The following SNX29 variants were observed in gnomAD, a reference collection of about 807,000 sequenced individuals.
SNX29 encodes the protein sorting nexin 29.
In SNX29, 78 loss-of-function variants were observed where a neutral mutation model predicts 102.1. The observed-to-expected ratio is 0.76, with a 90% CI of 0.64 to 0.92. The LOEUF is 0.92. Among genes scored for constraint, SNX29 ranks in the 40% least tolerant of loss-of-function variants. The probability of loss-of-function intolerance (pLI) is 0.00; values close to 1 mark genes in which losing one functional copy is unlikely to be tolerated. For synonymous variants in SNX29, 580 were observed against 414.5 expected, an observed-to-expected ratio of 1.40 and a Z score of -4.85; for missense variants, 1,280 against 1,061.7, an observed-to-expected ratio of 1.21 and a Z score of -2.86.
chr16:12,446,205 A>G (rs1420972985), intron 18 of SNX29, among the ~76,000 whole-genome samples: 10 of 151,852 alleles, frequency 6.6e-5, no homozygotes, highest in Non-Finnish European at 1.5e-5. Flanking sequence ...AGAGTCGTGC[A>G]CCACCATGCC....
At chr16:12,008,091 C>T (rs919817615) in intron 3 of SNX29, among the ~76,000 whole-genome samples, 3 of 151,886 alleles carry the variant, frequency 2.0e-5, no homozygotes, top group Admixed American at 2.0e-4. Context: ...CTACAGACGC[C>T]CGCCACCATG....
At chr16:12,459,636 G>C (rs753230880) in intron 18 of SNX29, among the ~76,000 whole-genome samples, 1 of 152,192 alleles carries the variant, frequency 6.6e-6, no homozygotes, top group Non-Finnish European at 1.5e-5. Flanking sequence ...GTCATATCTA[G>C]ACCCTGAGCT....
At chr16:12,514,113 C>A (rs1266223740) in intron 19 of SNX29, among the ~76,000 whole-genome samples, 2 of 152,186 alleles carry the variant, frequency 1.3e-5, no homozygotes, top group African/African-American at 4.8e-5. Flanking sequence ...TTCCACACCT[C>A]CCAGCTGGCT....
intron 16 of SNX29, among the ~76,000 whole-genome samples, chr16:12,371,525 C>G (rs1454605553): frequency 6.6e-6 from 1 of 152,176 alleles, no homozygotes; most frequent in African/African-American, 2.4e-5. Context: ...CCATACTGGT[C>G]TCGAACTTCT....
In SNX29 at chr16:12,574,155, T is replaced by G. The variant is rs1313921886; in HGVS notation, c.*5526T>G. 1 of 181,268 alleles carries G rather than the reference T, an allele frequency of 5.5e-6. No homozygotes were observed. Among genetic ancestry groups the G allele is most frequent in the Non-Finnish European group, 1.2e-5 (1 of 84,962 alleles). 11.2% of individuals were successfully genotyped at this position (181,268 alleles called of 1,614,324 possible). A position where few individuals can be genotyped will look rare whatever the true frequency, so the allele number is the denominator to read the frequency against. On this transcript the variant is annotated 3_prime_UTR_variant, in exon 21 of 21. Coordinates refer to ENST00000566228, the MANE Select transcript of SNX29 (RefSeq NM_032167.5). ...TAATAGGATTTTTAAACAAATGTGT[T>G]TAATTTTTTAAGATCTCTTGTATTA...
intron 18 of SNX29, 61 bp downstream of exon 18, chr16:12,403,590 C>G: frequency 2.0e-6 from 3 of 1,492,172 alleles, no homozygotes; most frequent in Non-Finnish European, 2.8e-6. Flanking sequence ...ATTTGTCATG[C>G]TGTGGTGCTT....
intron 18 of SNX29, among the ~76,000 whole-genome samples, chr16:12,442,634 A>G (rs2085861051): frequency 6.6e-6 from 1 of 150,840 alleles, no homozygotes; most frequent in African/African-American, 2.4e-5. Context: ...ACCCAGACCC[A>G]GGCTGGAGCG....
At chr16:12,557,015 A>ACAGCCCCCCCCCCCC (rs66825746) in intron 20 of SNX29, among the ~76,000 whole-genome samples, 1 of 31,812 alleles carries the variant, frequency 3.1e-5, no homozygotes, top group African/African-American at 1.4e-4. Flanking sequence ...TGGCTAATTT[A>ACAGCCCCCCCCCCCC]CCCCCCCCCC....
intron 7 of SNX29, among the ~76,000 whole-genome samples, chr16:12,048,929 A>G (rs575422678): frequency 6.6e-6 from 1 of 152,308 alleles, no homozygotes; most frequent in South Asian, 2.1e-4. Context: ...TTGTTCCTTC[A>G]TCGTATTCTG....
intron 20 of SNX29, among the ~76,000 whole-genome samples, chr16:12,537,658 C>T (rs959961630): frequency 6.6e-6 from 1 of 152,162 alleles, no homozygotes; most frequent in Non-Finnish European, 1.5e-5. Flanking sequence ...GTTGTTTGCC[C>T]TACTTCATGT....
intron 20 of SNX29, among the ~76,000 whole-genome samples, chr16:12,552,828 C>T (rs565041266): frequency 6.6e-6 from 1 of 152,202 alleles, no homozygotes; most frequent in Non-Finnish European, 1.5e-5. Flanking sequence ...AGTGTGACAC[C>T]TGACCTGCCA....
chr16:12,047,678 A>G (rs1018485605), intron 6 of SNX29, among the ~76,000 whole-genome samples: 7 of 120,276 alleles, frequency 5.8e-5, no homozygotes, highest in Non-Finnish European at 1.0e-4. Context: ...TTTTTTTGAG[A>G]CGGAGTTTCA....
chr16:12,026,102 G>A (rs1405752882), intron 3 of SNX29, among the ~76,000 whole-genome samples: 1 of 152,184 alleles, frequency 6.6e-6, no homozygotes, highest in Non-Finnish European at 1.5e-5. Context: ...AGCAGCAAAT[G>A]CCCGAGGCCA....
intron 20 of SNX29, among the ~76,000 whole-genome samples, chr16:12,538,242 A>G (rs887162475): frequency 6.6e-6 from 1 of 151,986 alleles, no homozygotes; most frequent in African/African-American, 2.4e-5. Context: ...CAGTCTCCCT[A>G]GTAGCTGGGA....
At chr16:12,360,604 C>T (rs2082273823) in intron 16 of SNX29, among the ~76,000 whole-genome samples, 1 of 152,124 alleles carries the variant, frequency 6.6e-6, no homozygotes. Flanking sequence ...CACCAGACCC[C>T]ATTTGTTTCA....
At chr16:12,433,834 A>T (rs1271032582) in intron 18 of SNX29, among the ~76,000 whole-genome samples, 9 of 152,148 alleles carry the variant, frequency 5.9e-5, no homozygotes, top group Non-Finnish European at 1.2e-4. Context: ...AAAACAAAAC[A>T]AAAACCCAGA....
intron 14 of SNX29, among the ~76,000 whole-genome samples, chr16:12,262,431 C>G (rs1173960569): frequency 7.2e-5 from 11 of 152,176 alleles, no homozygotes; most frequent in Admixed American, 7.2e-4. Flanking sequence ...TACTTAAGCA[C>G]ATGCACAAAG....
chr16:12,447,530 C>T (rs970928059), intron 18 of SNX29, among the ~76,000 whole-genome samples: 15 of 152,118 alleles, frequency 9.9e-5, no homozygotes, highest in African/African-American at 3.6e-4. Flanking sequence ...CGGACAGAGC[C>T]GAGATTTCAT....
intron 2 of SNX29, 23 bp from the exon 3 acceptor site, chr16:12,002,968 C>A (rs1459400877): frequency 3.7e-6 from 6 of 1,614,024 alleles, no homozygotes; most frequent in African/African-American, 1.3e-5. Flanking sequence ...CAGCTGATCT[C>A]AGCAGCTTCT....
Sources: allele counts gnomAD v4.1 joint callset (sites outside exome capture counted in the v4.1 genomes callset), GRCh38; gene constraint gnomAD v4.1.1; transcripts MANE v1.5; gene names NCBI Gene and HGNC (gene_info 2026-07-23, HGNC 2026-07-21).